Variants in GABRB1 observed in about 807,000 individuals in gnomAD.
GABRB1 encodes the protein gamma-aminobutyric acid type A receptor subunit beta1.
A neutral mutation model predicts 51.6 loss-of-function variants in GABRB1; 17 were observed. The observed-to-expected ratio is 0.33, with a 90% CI of 0.23 to 0.49. GABRB1 has a LOEUF of 0.49. GABRB1 is among the 20% of genes least tolerant of loss of function. The probability of loss-of-function intolerance (pLI) is 0.99; values close to 1 mark genes in which losing one functional copy is unlikely to be tolerated. For synonymous variants in GABRB1, 247 were observed against 218.9 expected, an observed-to-expected ratio of 1.13 and a Z score of -1.14; for missense variants, 410 against 600.6, an observed-to-expected ratio of 0.68 and a Z score of 3.32.
chr4:47,372,897 T>C (rs900460844), intron 5 of GABRB1, among the ~76,000 whole-genome samples: 7 of 152,044 alleles, frequency 4.6e-5, no homozygotes, highest in Non-Finnish European at 8.8e-5. Flanking sequence ...CTTCCTCTTC[T>C]CCCTCCTCAC....
At chr4:47,243,172 G>C (rs1410755843) in intron 4 of GABRB1, among the ~76,000 whole-genome samples, 3 of 152,078 alleles carry the variant, frequency 2.0e-5, no homozygotes, top group African/African-American at 7.2e-5. Flanking sequence ...TTTTTGCCAG[G>C]TTTGTCAAAG....
At chr4:47,169,181 G>T (rs1461187183) in intron 4 of GABRB1, among the ~76,000 whole-genome samples, 2 of 152,080 alleles carry the variant, frequency 1.3e-5, no homozygotes, top group African/African-American at 4.8e-5. Context: ...TTTAGCATTT[G>T]CAAAATGGAG....
intron 4 of GABRB1, among the ~76,000 whole-genome samples, chr4:47,200,565 G>C (rs1159751965): frequency 6.6e-6 from 1 of 152,102 alleles, no homozygotes; most frequent in Non-Finnish European, 1.5e-5. Context: ...AAAACCAAAA[G>C]ACAGTTTTGA....
In GABRB1 at chr4:47,349,287, G is replaced by A. The variant is rs143805727; in HGVS notation, c.544+29078G>A. On this transcript the variant is annotated intron_variant, in intron 5 of 8. Transcript: ENST00000295454. ...GGCTTGGGAGGTCTGGGGAATTTCA[G>A]TATTTAATAACTGGATAGAATAAAG... Among the ~76,000 whole-genome samples the A allele has an allele frequency of 5.9e-5, 9 of 152,182 alleles. No individual in the cohort carries two copies. In the East Asian group the frequency reaches 1.4e-3, roughly 23 times the overall value.
intron 3 of GABRB1, among the ~76,000 whole-genome samples, chr4:47,070,238 A>G (rs1238140989): frequency 6.6e-6 from 1 of 151,546 alleles, no homozygotes; most frequent in Non-Finnish European, 1.5e-5. Flanking sequence ...GTTTCACCAT[A>G]TTGGTTAGCC....
chr4:47,020,918 C>T (rs1724914039), intron 1 of GABRB1, among the ~76,000 whole-genome samples: 1 of 152,214 alleles, frequency 6.6e-6, no homozygotes, highest in African/African-American at 2.4e-5. Flanking sequence ...GCTCTAGTCA[C>T]ACTGGCCTCC....
intron 1 of GABRB1, among the ~76,000 whole-genome samples, chr4:46,999,825 T>C (rs1011077718): frequency 4.6e-5 from 7 of 152,240 alleles, no homozygotes; most frequent in African/African-American, 1.7e-4. Flanking sequence ...ACAGCCTGAA[T>C]ATTCACTGCA....
chr4:47,020,976 T>G (rs1724914914), intron 1 of GABRB1, among the ~76,000 whole-genome samples: 2 of 152,174 alleles, frequency 1.3e-5, no homozygotes, highest in Admixed American at 1.3e-4. Context: ...GCACTTGCAG[T>G]TTTCTGTTGG....
At chr4:47,349,910 A>C (rs1726244949) in intron 5 of GABRB1, among the ~76,000 whole-genome samples, 1 of 152,068 alleles carries the variant, frequency 6.6e-6, no homozygotes, top group Admixed American at 6.6e-5. Flanking sequence ...CAGAATATAC[A>C]CACACTTTAT....
chr4:47,312,070 T>TGTGTGTGTGTGA (rs35215831), intron 4 of GABRB1, among the ~76,000 whole-genome samples: 5 of 149,316 alleles, frequency 3.3e-5, no homozygotes, highest in African/African-American at 1.2e-4. Flanking sequence ...TGTGTGTGTG[T>TGTGTGTGTGTGA]GCGCGTGCAT....
chr4:47,077,457 T>C (rs1225299370), intron 3 of GABRB1, among the ~76,000 whole-genome samples: 3 of 152,224 alleles, frequency 2.0e-5, no homozygotes, highest in African/African-American at 7.2e-5. Flanking sequence ...GTTGGGTTTT[T>C]TTCTTATTTC....
At chr4:47,141,547 T>C (rs992918495) in intron 3 of GABRB1, among the ~76,000 whole-genome samples, 1 of 151,962 alleles carries the variant, frequency 6.6e-6, no homozygotes, top group Non-Finnish European at 1.5e-5. Context: ...GACTATGAAA[T>C]TCATTTCTTG....
At chr4:47,136,195 T>C (rs1178024599) in intron 3 of GABRB1, among the ~76,000 whole-genome samples, 1 of 152,186 alleles carries the variant, frequency 6.6e-6, no homozygotes, top group East Asian at 1.9e-4. Context: ...TCTCCATGTG[T>C]TGCTCAGGTT....
chr4:47,200,991 A>G (rs1183312868), intron 4 of GABRB1, among the ~76,000 whole-genome samples: 1 of 152,162 alleles, frequency 6.6e-6, no homozygotes, highest in East Asian at 1.9e-4. Flanking sequence ...ATTTTAACAA[A>G]CATAGTTCAC....
At chr4:47,124,697 C>A (rs1326314168) in intron 3 of GABRB1, among the ~76,000 whole-genome samples, 2 of 151,934 alleles carry the variant, frequency 1.3e-5, no homozygotes, top group Admixed American at 6.6e-5. Context: ...AATTCTGGAG[C>A]TGAAAAATAT....
At chr4:47,329,979 A>T (rs1725416480) in intron 5 of GABRB1, among the ~76,000 whole-genome samples, 1 of 152,136 alleles carries the variant, frequency 6.6e-6, no homozygotes, top group Non-Finnish European at 1.5e-5. Context: ...GTGTAATTCC[A>T]GTCCCAGTCC....
chr4:47,305,882 A>G (rs1302328874), intron 4 of GABRB1, among the ~76,000 whole-genome samples: 1 of 152,108 alleles, frequency 6.6e-6, no homozygotes, highest in Admixed American at 6.6e-5. Context: ...TTAAAATAAG[A>G]GTGTAAGTGG....
intron 4 of GABRB1, among the ~76,000 whole-genome samples, chr4:47,286,807 A>G (rs1723528507): frequency 6.6e-6 from 1 of 152,214 alleles, no homozygotes; most frequent in Non-Finnish European, 1.5e-5. Flanking sequence ...AAAATTAAAT[A>G]GAAAAATATG....
chr4:47,151,737 T>C (rs1717467819), intron 3 of GABRB1, among the ~76,000 whole-genome samples: 9 of 152,068 alleles, frequency 5.9e-5, no homozygotes, highest in Admixed American at 5.9e-4. Flanking sequence ...TGTGTCATAT[T>C]CCATTATGTG....
Sources: allele counts gnomAD v4.1 joint callset (sites outside exome capture counted in the v4.1 genomes callset), GRCh38; gene constraint gnomAD v4.1.1; transcripts MANE v1.5; gene names NCBI Gene and HGNC (gene_info 2026-07-23, HGNC 2026-07-21).